The following MYO3A variants were observed in gnomAD, a reference collection of about 807,000 sequenced individuals.
The protein encoded by MYO3A is myosin IIIA, also known as myosin-IIIa.
A neutral mutation model predicts 192.7 loss-of-function variants in MYO3A; 180 were observed. The observed-to-expected ratio is 0.93, with a 90% CI of 0.83 to 1.06. MYO3A has a LOEUF of 1.06. Ranked by LOEUF, MYO3A falls within the 50% of genes least tolerant of loss-of-function variation. The pLI, the probability that MYO3A is intolerant of heterozygous loss-of-function variation, is 0.00. For synonymous variants in MYO3A, 628 were observed against 645.3 expected (o/e 0.97, Z 0.41); for missense variants, 1,896 against 1,905.0 (o/e 1.00, Z 0.09).
At chr10:25,944,186 A>G (rs1158109938) in intron 2 of MYO3A, among the ~76,000 whole-genome samples, 1 of 152,000 alleles carries the variant, frequency 6.6e-6, no homozygotes, top group Non-Finnish European at 1.5e-5. Context: ...TTCTGTTAAT[A>G]TGGCATATTA....
intron 10 of MYO3A, among the ~76,000 whole-genome samples, chr10:26,042,039 G>A (rs1258565229): frequency 6.6e-6 from 1 of 151,988 alleles, no homozygotes; most frequent in Non-Finnish European, 1.5e-5. Flanking sequence ...TTGTTTGTGT[G>A]GGAAAGTCTT....
At chr10:25,941,968 A>ATTTCT (rs897825760) in intron 2 of MYO3A, among the ~76,000 whole-genome samples, 12 of 143,624 alleles carry the variant, frequency 8.4e-5, no homozygotes, top group African/African-American at 1.5e-4. Context: ...GCTGAATAAT[A>ATTTCT]TTTCTTTTCT....
At chr10:25,987,453 A>T (rs1326074339) in intron 4 of MYO3A, among the ~76,000 whole-genome samples, 1 of 152,242 alleles carries the variant, frequency 6.6e-6, no homozygotes, top group Admixed American at 6.5e-5. Context: ...CATCTTCAAA[A>T]TCTATATATC....
At chr10:26,081,146 G>GCCCCC (rs907981671) in intron 14 of MYO3A, among the ~76,000 whole-genome samples, 1 of 70,754 alleles carries the variant, frequency 1.4e-5, no homozygotes, top group East Asian at 5.0e-4. Flanking sequence ...CCCCCCCCCC[G>GCCCCC]CCCCCGCTAC....
intron 18 of MYO3A, 50 bp downstream of exon 18, chr10:26,120,852 A>T: frequency 1.3e-6 from 2 of 1,597,566 alleles, no homozygotes; most frequent in Non-Finnish European, 1.7e-6. Flanking sequence ...AAATCTTATG[A>T]CATACCATAA....
rs766272651 is a variant in MYO3A at position 26,211,994 on chromosome 10, A to G, written c.*31A>G. ...CAACGAGGCAGTCACCGCCGTCGGAAGGCGCTGGAGCCTGCGGGGCAGCAG... is the reference window on the plus strand; with the variant it reads ...CAACGAGGCAGTCACCGCCGTCGGAGGGCGCTGGAGCCTGCGGGGCAGCAG... On this transcript the variant is annotated 3_prime_UTR_variant, in exon 35 of 35. Transcript: ENST00000642920. The G allele has an allele frequency of 1.0e-5, 16 of 1,604,006 alleles. No homozygotes were observed. Among genetic ancestry groups the G allele is most frequent in the Non-Finnish European group, 1.4e-5 (16 of 1,172,718 alleles).
chr10:26,160,353 G>C (rs762902043), intron 26 of MYO3A, among the ~76,000 whole-genome samples: 37 of 152,218 alleles, frequency 2.4e-4, no homozygotes, highest in Non-Finnish European at 4.3e-4. Context: ...TCAAGGGAAG[G>C]AAGAGCATCT....
At chr10:26,124,659 GAA>G (rs990823306) in intron 18 of MYO3A, among the ~76,000 whole-genome samples, 1 of 152,142 alleles carries the variant, frequency 6.6e-6, no homozygotes, top group African/African-American at 2.4e-5. Context: ...CAACAGATTT[GAA>G]AAATTAGCCA....
chr10:25,942,962 T>G (rs934605063), intron 2 of MYO3A, among the ~76,000 whole-genome samples: 1 of 151,978 alleles, frequency 6.6e-6, no homozygotes, highest in African/African-American at 2.4e-5. Context: ...AAGTCCAATT[T>G]ATGTATTTTT....
rs1029835926 is a variant in MYO3A, at chr10:26,157,653, GA to G, written c.2999+144del. ...TTGTTCATGCAAATGATTATGTGTTGAAAAAAGAAGATAGCTATTAACTGAG... is the reference window on the plus strand; with the variant it reads ...TTGTTCATGCAAATGATTATGTGTTGAAAAAGAAGATAGCTATTAACTGAG... On this transcript the variant is annotated intron_variant, in intron 26 of 34. Transcript: ENST00000642920. The G allele has an allele frequency of 1.2e-5, 11 of 914,788 alleles. No individual in the cohort carries two copies. The African/African-American group carries it at 1.8e-4, about 15-fold the overall frequency. 56.7% of individuals were successfully genotyped at this position (914,788 alleles called of 1,614,324 possible). A position where few individuals can be genotyped will look rare whatever the true frequency, so the allele number is the denominator to read the frequency against.
intron 6 of MYO3A, among the ~76,000 whole-genome samples, chr10:26,014,513 AAT>A (rs1346374861): frequency 6.6e-6 from 1 of 152,132 alleles, no homozygotes; most frequent in African/African-American, 2.4e-5. Context: ...TGATTTCAAA[AAT>A]ACCTTCACAG....
intron 4 of MYO3A, among the ~76,000 whole-genome samples, chr10:25,962,877 C>T (rs1838022606): frequency 6.6e-6 from 1 of 152,048 alleles, no homozygotes; most frequent in Non-Finnish European, 1.5e-5. Context: ...TGTAATTTTC[C>T]CCTTCTTGGT....
chr10:26,165,750 G>A, intron 26 of MYO3A: 1 of 391,588 alleles, frequency 2.6e-6, no homozygotes, highest in South Asian at 3.2e-5. Flanking sequence ...TCCAGAGAAA[G>A]GTAGCGAAAA....
intron 3 of MYO3A, among the ~76,000 whole-genome samples, chr10:25,952,659 C>T (rs1837284061): frequency 6.6e-6 from 1 of 152,032 alleles, no homozygotes; most frequent in East Asian, 1.9e-4. Context: ...ATTTAGGCTT[C>T]AGGAGGTATT....
intron 32 of MYO3A, among the ~76,000 whole-genome samples, chr10:26,197,199 G>A (rs1001403744): frequency 2.6e-5 from 4 of 152,166 alleles, no homozygotes; most frequent in African/African-American, 9.7e-5. Context: ...TCAGGCCAGG[G>A]ATTTATATAG....
chr10:26,125,415 A>C lies in MYO3A; in HGVS notation c.1921A>C (p.Ile641Leu). The C allele has an allele frequency of 6.2e-7, 1 of 1,614,036 alleles. No individual in the cohort carries two copies. Among genetic ancestry groups the C allele is most frequent in the Non-Finnish European group, 8.5e-7 (1 of 1,179,916 alleles). Residue 641 changes from isoleucine to leucine, a missense_variant, in exon 19 of 35, where the codon ATT becomes CTT. Coordinates refer to ENST00000642920, the MANE Select transcript of MYO3A (RefSeq NM_017433.5). ...ALENCASLLC[I>L]RADELQEALT... ...TTTTTCAGGTGCTTCTTTGCTTTGCATTCGGGCAGATGAGCTACAAGAAGC... is the reference window on the plus strand; with the variant it reads ...TTTTTCAGGTGCTTCTTTGCTTTGCCTTCGGGCAGATGAGCTACAAGAAGC...
intron 26 of MYO3A, among the ~76,000 whole-genome samples, chr10:26,157,880 A>G (rs774751333): frequency 2.0e-5 from 3 of 152,134 alleles, no homozygotes; most frequent in Non-Finnish European, 4.4e-5. Flanking sequence ...ATGTCTGGAG[A>G]CATTTCTGGT....
chr10:26,057,336 T>C (rs1400622884), intron 10 of MYO3A, among the ~76,000 whole-genome samples: 1 of 152,054 alleles, frequency 6.6e-6, no homozygotes, highest in Non-Finnish European at 1.5e-5. Flanking sequence ...TAGAGCAAGT[T>C]ACACAGATAA....
At chr10:26,130,158 G>A (rs1239977833) in intron 20 of MYO3A, among the ~76,000 whole-genome samples, 2 of 151,622 alleles carry the variant, frequency 1.3e-5, no homozygotes, top group Non-Finnish European at 2.9e-5. Context: ...AGGCTGTAGT[G>A]CAGTGGGGTG....
Sources: allele counts gnomAD v4.1 joint callset (sites outside exome capture counted in the v4.1 genomes callset), GRCh38; gene constraint gnomAD v4.1.1; transcripts MANE v1.5; gene names NCBI Gene and HGNC (gene_info 2026-07-23, HGNC 2026-07-21).